Variants in ZFTA observed in about 807,000 individuals in gnomAD.
ZFTA encodes the protein zinc finger translocation associated, also known as zinc finger translocation-associated protein.
In ZFTA, 35 loss-of-function variants were observed where a neutral mutation model predicts 41.8. That is an observed-to-expected ratio of 0.84 (90% CI 0.64 to 1.11). The LOEUF (loss-of-function observed/expected upper bound fraction) is 1.11, where lower values mean the gene tolerates loss of function less well. Among genes scored for constraint, ZFTA ranks in the 50% most tolerant of loss-of-function variants. The pLI is 0.00. For missense variants in ZFTA, 964 were observed against 989.8 expected, an observed-to-expected ratio of 0.97 and a Z score of 0.35; for synonymous variants, 514 against 436.4, an observed-to-expected ratio of 1.18 and a Z score of -2.22.
chr11:63,761,165 C>T lies in ZFTA; in HGVS notation c.*2253G>A, dbSNP rs1418761014. On this transcript the variant is annotated 3_prime_UTR_variant, in exon 5 of 5. Transcript: ENST00000433688. ...CCAGCCTGGTGCCATCCATAATCTC[C>T]GTTCTCAAGCTTTTAATACTGTCTC... 3.3e-5 allele frequency: 5 copies of T among 152,148 alleles called. No individual in the cohort carries two copies. Among genetic ancestry groups the T allele is most frequent in the Non-Finnish European group, 5.9e-5 (4 of 68,036 alleles). 9.4% of individuals were successfully genotyped at this position (152,148 alleles called of 1,614,324 possible). A position where few individuals can be genotyped will look rare whatever the true frequency, so the allele number is the denominator to read the frequency against.
At chr11:63,766,402 G>A (rs2135097182) in intron 1 of ZFTA, 98 bp from the exon 2 acceptor site, 3 of 1,383,534 alleles carry the variant, frequency 2.2e-6, no homozygotes, top group Non-Finnish European at 2.8e-6. Flanking sequence ...AGCTGGGGGA[G>A]GGGGTGTTCC....
At position 63,765,195 on chromosome 11, in the gene ZFTA, G is replaced by T; in HGVS notation, c.697C>A (p.Arg233=). 6.6e-7 allele frequency: 1 copy of T among 1,507,726 alleles called. No individual in the cohort carries two copies. The highest frequency in any genetic ancestry group is 8.8e-7 in the Non-Finnish European group (1 of 1,131,556). 93.4% of individuals were successfully genotyped at this position (1,507,726 alleles called of 1,614,324 possible). Residue 233 remains arginine (R), a synonymous_variant, in exon 3 of 5, where the codon CGG becomes AGG. Transcript: ENST00000433688. The surrounding 1 kb of genome is among the most constrained non-coding windows in gnomAD (Gnocchi z 4.0). ...GCTGAGAGGCGCAGACGCCGAGCCCGGGGTGCCACTGGGCCCCCTCGCCGC... is the reference window on the plus strand; with the variant it reads ...GCTGAGAGGCGCAGACGCCGAGCCCTGGGTGCCACTGGGCCCCCTCGCCGC... ...RQRRGGPVAP[R]ARRLRLSASR...
Position 63,764,477 on chromosome 11 carries a change from A to T in ZFTA, c.1146T>A (p.Pro382=). The change falls in exon 4 of 5, where the codon CCT becomes CCA. Residue 382 remains proline (P), a synonymous_variant. Transcript: ENST00000433688. The part of the protein sequence containing the change: ...PDVKEEAGWV[P]ERPGPAEEEE... ...CCTCCTCTGCGGGCCCGGGCCTCTC[A>T]GGGACCCAGCCAGCCTCTTCCTTTA... is the stretch of plus-strand genomic sequence containing the variant. 1 of 1,261,982 alleles carries T rather than the reference A, an allele frequency of 7.9e-7. No homozygotes were observed. The highest frequency in any genetic ancestry group is 1.0e-6 in the Non-Finnish European group (1 of 999,452). 78.2% of individuals were successfully genotyped at this position (1,261,982 alleles called of 1,614,324 possible).
Position 63,767,299 on chromosome 11 carries a change from A to T in ZFTA, c.140-995T>A, listed in dbSNP as rs558375911. On this transcript the variant is annotated intron_variant, in intron 1 of 4. Transcript: ENST00000433688. ...AGTGGAGAATCACAGGGTTGGGAAA[A>T]CAAAAGACAGGATCAGAAAGGGCTC... The T allele has an allele frequency of 2.0e-5, 3 of 152,360 alleles. No homozygotes were observed. In the South Asian group the frequency reaches 6.2e-4, roughly 32 times the overall value. The allele number at this position is 152,360 out of a possible 1,614,324, so 9.4% of individuals were successfully genotyped here.
rs1021963959 is a variant in ZFTA, at chr11:63,765,379, C to T, written c.638-125G>A. 8 of 1,126,862 alleles carry T rather than the reference C, an allele frequency of 7.1e-6. No homozygotes were observed. The African/African-American group carries it at 1.3e-4, about 19-fold the overall frequency. The allele number at this position is 1,126,862 out of a possible 1,614,324, so 69.8% of individuals were successfully genotyped here. A position where few individuals can be genotyped will look rare whatever the true frequency, so the allele number is the denominator to read the frequency against. ...GCCTAACCTTTGCCCTTCTCTTCCT[C>T]TCTCCTGAAATCCTAACTCCCTAAA... is the stretch of plus-strand genomic sequence containing the variant. On this transcript the variant is annotated intron_variant, in intron 2 of 4. Transcript: ENST00000433688. This position sits in a 1 kb window ranked among gnomAD's most constrained non-coding sequence, Gnocchi z 4.0.
intron 1 of ZFTA, 146 bp from the exon 2 acceptor site, chr11:63,766,450 G>GGCAGCAATAAAAGGGATA: frequency 1.7e-5 from 19 of 1,130,682 alleles, no homozygotes; most frequent in Non-Finnish European, 2.2e-5. Flanking sequence ...TAAAAGGGAT[G>GGCAGCAATAAAAGGGATA]GTAGAAGTGG....
In ZFTA at chr11:63,768,513, C is replaced by A; in HGVS notation, c.110G>T (p.Gly37Val). The A allele has an allele frequency of 1.7e-6, 2 of 1,203,890 alleles. No individual in the cohort carries two copies. Among genetic ancestry groups the A allele is most frequent in the Non-Finnish European group, 1.0e-6 (1 of 956,778 alleles). 74.6% of individuals were successfully genotyped at this position (1,203,890 alleles called of 1,614,324 possible). Reference protein sequence around the residue: ...GRRLPPAGSSGSAEPEEDEGG... With the variant: ...GRRLPPAGSSVSAEPEEDEGG... ...TTCGTCTTCCTCTGGCTCCGCGCTGCCGCTCGATCCGGCGGGCGGCAGCCG... is the reference window on the plus strand; with the variant it reads ...TTCGTCTTCCTCTGGCTCCGCGCTGACGCTCGATCCGGCGGGCGGCAGCCG... The change falls in exon 1 of 5, where the codon GGC becomes GTC. Residue 37 changes from glycine (G) to valine (V), a missense_variant. Gly to Val is a moderately radical substitution (Grantham distance 109). Coordinates refer to ENST00000433688, the MANE Select transcript of ZFTA (RefSeq NM_001144936.2).
Position 63,764,493 on chromosome 11 carries a change from TCTTC to T in ZFTA, c.1126_1129del (p.Glu376ArgfsTer75), listed in dbSNP as rs2014712051. The T allele has an allele frequency of 1.6e-6, 2 of 1,258,592 alleles. No homozygotes were observed. The highest frequency in any genetic ancestry group is 1.6e-5 in the African/African-American group (1 of 64,514). 78.0% of individuals were successfully genotyped at this position (1,258,592 alleles called of 1,614,324 possible). A position where few individuals can be genotyped will look rare whatever the true frequency, so the allele number is the denominator to read the frequency against. ...GGGCCTCTCAGGGACCCAGCCAGCC[TCTTC>T]CTTTACGTCTGGGGGGCTGAGATCC... is the stretch of plus-strand genomic sequence containing the variant. On this transcript the variant is annotated frameshift_variant, in exon 4 of 5. Transcript: ENST00000433688. LOFTEE classifies it high-confidence loss of function.
At chr11:63,763,995 T>G in intron 4 of ZFTA, 43 bp downstream of exon 4, 1 of 1,299,646 alleles carries the variant, frequency 7.7e-7, no homozygotes, top group Non-Finnish European at 1.0e-6. Context: ...CCCCAGCAAC[T>G]GCCCGGCTCT....
In ZFTA at chr11:63,768,641, G is replaced by T; in HGVS notation, c.-19C>A. On this transcript the variant is annotated 5_prime_UTR_variant, in exon 1 of 5. Coordinates refer to ENST00000433688, the MANE Select transcript of ZFTA (RefSeq NM_001144936.2). ...GCTCCATGCGCTGCGCTGCGGAGCGGGGCCCCGGGGCGGCGGGGCGCGGGG... is the reference window on the plus strand; with the variant it reads ...GCTCCATGCGCTGCGCTGCGGAGCGTGGCCCCGGGGCGGCGGGGCGCGGGG... 5.1e-6 allele frequency: 5 copies of T among 979,118 alleles called. No individual in the cohort carries two copies. Among genetic ancestry groups the T allele is most frequent in the Non-Finnish European group, 6.0e-6 (5 of 827,762 alleles). 60.7% of individuals were successfully genotyped at this position (979,118 alleles called of 1,614,324 possible).
At position 63,763,571 on chromosome 11, in the gene ZFTA, G is replaced by A. The variant is rs1350600691; in HGVS notation, c.1884C>T (p.Ser628=). Residue 628 remains serine (S), a synonymous_variant, in exon 5 of 5, where the codon TCC becomes TCT. Coordinates refer to ENST00000433688, the MANE Select transcript of ZFTA (RefSeq NM_001144936.2). The part of the protein sequence containing the change: ...KRHILQVHPF[S]MDFTPEERQT... ...GGCGCTCCTCAGGCGTGAAGTCCAT[G>A]GAGAAGGGGTGCACCTGCAGGATGT... is the stretch of plus-strand genomic sequence containing the variant. 3 of 1,548,284 alleles carry A rather than the reference G, an allele frequency of 1.9e-6. No individual in the cohort carries two copies. The highest frequency in any genetic ancestry group is 2.5e-5 in the East Asian group (1 of 40,724).
Position 63,764,065 on chromosome 11 carries a change from C to T in ZFTA, c.1558G>A (p.Glu520Lys). The change falls in exon 4 of 5, where the codon GAG (glutamate) becomes AAG (lysine). Residue 520 changes from glutamate to lysine, a missense_variant. This residue lies in a region of ZFTA where 584 missense variants were observed against 523.1 expected (regional missense o/e 1.12). Transcript: ENST00000433688. ...SDEGGGDEEE[E>K]PEEEEEEWGD... The stretch of plus-strand genomic sequence containing the variant: ...CACTCCTCCTCCTCCTCCTCTGGCT[C>T]CTCCTCCTCGTCCCCTCCCCCCTCG... 7.4e-7 allele frequency: 1 copy of T among 1,345,470 alleles called. No individual in the cohort carries two copies. Among genetic ancestry groups the T allele is most frequent in the East Asian group, 3.1e-5 (1 of 32,738 alleles). The allele number at this position is 1,345,470 out of a possible 1,614,324, so 83.3% of individuals were successfully genotyped here.
rs2014601064 is a variant in ZFTA, at chr11:63,760,344, G to A, written c.*3074C>T. 6.6e-6 allele frequency: 1 copy of A among 152,170 alleles called. No homozygotes were observed. Among genetic ancestry groups the A allele is most frequent in the Non-Finnish European group, 1.5e-5 (1 of 68,038 alleles). 9.4% of individuals were successfully genotyped at this position (152,170 alleles called of 1,614,324 possible). ...GTGATTAGCTCTTCTCCTAAACTAAGGCTGCTGTGACCCTTAAGCTGGCTT... is the reference window on the plus strand; with the variant it reads ...GTGATTAGCTCTTCTCCTAAACTAAAGCTGCTGTGACCCTTAAGCTGGCTT... On this transcript the variant is annotated 3_prime_UTR_variant, in exon 5 of 5. Coordinates refer to ENST00000433688, the MANE Select transcript of ZFTA (RefSeq NM_001144936.2).
At position 63,765,058 on chromosome 11, in the gene ZFTA, C is replaced by A; in HGVS notation, c.834G>T (p.Pro278=). 1 of 1,548,838 alleles carries A rather than the reference C, an allele frequency of 6.5e-7. No individual in the cohort carries two copies. ...FRAECLMDYD[P]RGNRLVCMAC... The stretch of plus-strand genomic sequence containing the variant: ...CCATGCACACCAGCCGGTTCCCCCG[C>A]GGGTCATAGTCCATGAGACACTCGG... The change falls in exon 3 of 5, where the codon CCG becomes CCT. Residue 278 remains proline, a synonymous_variant. Transcript: ENST00000433688. This position sits in a 1 kb window ranked among gnomAD's most constrained non-coding sequence, Gnocchi z 4.0.
At chr11:63,766,789 C>T (rs1252153379) in intron 1 of ZFTA, among the ~76,000 whole-genome samples, 1 of 152,202 alleles carries the variant, frequency 6.6e-6, no homozygotes, top group Non-Finnish European at 1.5e-5. Flanking sequence ...GGTCTTCTCC[C>T]TTTTTCCAGT....
In ZFTA at chr11:63,760,376, A is replaced by G. The variant is rs998560536; in HGVS notation, c.*3042T>C. 6.6e-6 allele frequency: 1 copy of G among 152,230 alleles called. No individual in the cohort carries two copies. The highest frequency in any genetic ancestry group is 2.4e-5 in the African/African-American group (1 of 41,458). 9.4% of individuals were successfully genotyped at this position (152,230 alleles called of 1,614,324 possible). ...GTGACCCTTAAGCTGGCTTTTAAAA[A>G]TGTATTCAACATACCTCTTAGAAAA... is the stretch of plus-strand genomic sequence containing the variant. On this transcript the variant is annotated 3_prime_UTR_variant, in exon 5 of 5. Transcript: ENST00000433688.
rs1178982267 is a variant in ZFTA, at chr11:63,764,516, G to A, written c.1107C>T (p.Leu369=). ...CCTCTTCCTTTACGTCTGGGGGGCTGAGATCCTGAGAGGAGGGGGCTCCAG... is the reference window on the plus strand; with the variant it reads ...CCTCTTCCTTTACGTCTGGGGGGCTAAGATCCTGAGAGGAGGGGGCTCCAG... ...SAAGAPSSQD[L]SPPDVKEEAG... is the part of the protein sequence containing the mutation. The change falls in exon 4 of 5, where the codon CTC becomes CTT. Residue 369 remains leucine (L), a synonymous_variant. Transcript: ENST00000433688. 2 of 1,257,048 alleles carry A rather than the reference G, an allele frequency of 1.6e-6. No homozygotes were observed. The highest frequency in any genetic ancestry group is 2.0e-6 in the Non-Finnish European group (2 of 995,506). The allele number at this position is 1,257,048 out of a possible 1,614,324, so 77.9% of individuals were successfully genotyped here.
intron 1 of ZFTA, 24 bp downstream of exon 1, chr11:63,768,460 C>A: frequency 5.4e-6 from 6 of 1,110,062 alleles, no homozygotes; most frequent in South Asian, 2.6e-5. Flanking sequence ...GGCCCCCGCC[C>A]GGGCCGCCGG....
Position 63,763,732 on chromosome 11 carries a change from G to C in ZFTA, c.1723C>G (p.Arg575Gly), listed in dbSNP as rs1362159593. 2 of 1,507,828 alleles carry C rather than the reference G, an allele frequency of 1.3e-6. No individual in the cohort carries two copies. The highest frequency in any genetic ancestry group is 1.8e-6 in the Non-Finnish European group (2 of 1,124,506). 93.4% of individuals were successfully genotyped at this position (1,507,828 alleles called of 1,614,324 possible). ...PPPPPPPPRSREQRRNYQPRW... is the reference protein window; with the variant it reads ...PPPPPPPPRSGEQRRNYQPRW... ...GGCTGGTAGTTCCGCCGCTGCTCCC[G>C]GCTGCGGGGCGGGGGCGGAGGCGGG... is the stretch of plus-strand genomic sequence containing the variant. The change falls in exon 5 of 5, where the codon CGG becomes GGG. Residue 575 changes from arginine (R) to glycine (G), a missense_variant. Physicochemically the swap from Arg to Gly is moderately radical, Grantham distance 125 (BLOSUM62 -2). Coordinates refer to ENST00000433688, the MANE Select transcript of ZFTA (RefSeq NM_001144936.2).
Sources: allele counts gnomAD v4.1 joint callset (sites outside exome capture counted in the v4.1 genomes callset), GRCh38; gene constraint gnomAD v4.1.1; regional missense constraint gnomAD v4.1.1; non-coding constraint Gnocchi (gnomAD v3.1); transcripts MANE v1.5; gene names NCBI Gene and HGNC (gene_info 2026-07-23, HGNC 2026-07-21).